Variants in CAMK2G observed in about 807,000 individuals in gnomAD.
CAMK2G encodes the protein calcium/calmodulin-dependent protein kinase type II subunit gamma.
A neutral mutation model predicts 88.7 loss-of-function variants in CAMK2G; 23 were observed. The ratio of observed to expected loss-of-function variants is 0.26; its 90% CI spans 0.19 to 0.37. The LOEUF is 0.37. Ranked by LOEUF, CAMK2G falls within the 10% of genes least tolerant of loss-of-function variation. The pLI, the probability that CAMK2G is intolerant of heterozygous loss-of-function variation, is 1.00. For missense variants in CAMK2G, 476 were observed against 780.8 expected (o/e 0.61, Z 4.65); for synonymous variants, 263 against 294.8 (o/e 0.89, Z 1.11).
At chr10:73,815,479 T>TG (rs1221441964) in intron 21 of CAMK2G, among the ~76,000 whole-genome samples, 1 of 148,984 alleles carries the variant, frequency 6.7e-6, no homozygotes, top group Admixed American at 6.7e-5. Flanking sequence ...TGACAGTACC[T>TG]GCTGCGCTTT....
intron 18 of CAMK2G, 46 bp from the exon 19 acceptor site, chr10:73,819,691 A>G: frequency 8.2e-7 from 1 of 1,226,980 alleles, no homozygotes. Context: ...AGAGCAGCCA[A>G]AACAAACAGA....
chr10:73,846,193 G>A (rs2134678265), intron 10 of CAMK2G: 1 of 152,248 alleles, frequency 6.6e-6, no homozygotes, highest in East Asian at 1.9e-4. Context: ...TCCTGAGGCA[G>A]AAACTTGTAT....
chr10:73,871,163 G>A (rs1254301219), intron 2 of CAMK2G, among the ~76,000 whole-genome samples: 1 of 150,526 alleles, frequency 6.6e-6, no homozygotes, highest in Non-Finnish European at 1.5e-5. Flanking sequence ...CTCTTCTTGA[G>A]GGGAAAAAAA....
At chr10:73,819,248 C>G (rs1177887561) in intron 19 of CAMK2G, among the ~76,000 whole-genome samples, 8 of 152,162 alleles carry the variant, frequency 5.3e-5, no homozygotes, top group Non-Finnish European at 1.2e-4. Context: ...TGGCTCAGCG[C>G]TGAGGCAAGG....
chr10:73,833,700 G>A (rs2092826544), intron 14 of CAMK2G, among the ~76,000 whole-genome samples: 1 of 150,810 alleles, frequency 6.6e-6, no homozygotes, highest in Non-Finnish European at 1.5e-5. Context: ...CAAGGTTCAA[G>A]TGATTCTCCT....
At chr10:73,870,859 A>G (rs771261355) in intron 2 of CAMK2G, among the ~76,000 whole-genome samples, 1 of 152,142 alleles carries the variant, frequency 6.6e-6, no homozygotes, top group Non-Finnish European at 1.5e-5. Flanking sequence ...GCCCATGGCT[A>G]CCCTGGCCCA....
Position 73,842,376 on chromosome 10 carries a change from G to A in CAMK2G, c.903+82C>T. 8.1e-7 allele frequency: 1 copy of A among 1,233,958 alleles called. No individual in the cohort carries two copies. The highest frequency in any genetic ancestry group is 1.2e-6 in the Non-Finnish European group (1 of 833,740). The allele number at this position is 1,233,958 out of a possible 1,614,324, so 76.4% of individuals were successfully genotyped here. A position where few individuals can be genotyped will look rare whatever the true frequency, so the allele number is the denominator to read the frequency against. ...GAGCCCAGCTCCAGCCAGGAGGGGA[G>A]CTTCCTTCTGAAATGGGGCAGGAGC... is the stretch of plus-strand genomic sequence containing the variant. On this transcript the variant is annotated intron_variant, in intron 11 of 22. Coordinates refer to ENST00000423381, the MANE Select transcript of CAMK2G (RefSeq NM_001367534.1). This position sits in a 1 kb window ranked among gnomAD's most constrained non-coding sequence, Gnocchi z 4.6.
Position 73,853,253 on chromosome 10 carries a change from G to C in CAMK2G, c.221-7C>G. 6.2e-7 allele frequency: 1 copy of C among 1,613,118 alleles called. No individual in the cohort carries two copies. The highest frequency in any genetic ancestry group is 8.5e-7 in the Non-Finnish European group (1 of 1,179,020). ...ATACTGTCATGGAGGCGCACTGCAA[G>C]AGAGGAGATGGGGACAGAGATTAAC... On this transcript the variant is annotated splice_region_variant and splice_polypyrimidine_tract_variant and intron_variant, in intron 3 of 22. Coordinates refer to ENST00000423381, the MANE Select transcript of CAMK2G (RefSeq NM_001367534.1).
chr10:73,873,898 GCAC>G, intron 1 of CAMK2G, among the ~76,000 whole-genome samples: 1 of 95,812 alleles, frequency 1.0e-5, no homozygotes, highest in Non-Finnish European at 2.0e-5. Context: ...GGGTGCCGCA[GCAC>G]TGCCCAGCCG....
intron 14 of CAMK2G, chr10:73,837,032 G>A (rs1241442179): frequency 1.1e-5 from 2 of 186,894 alleles, no homozygotes; most frequent in Non-Finnish European, 2.3e-5. Flanking sequence ...AAGACCAAAA[G>A]GAGAGTGGTT....
At chr10:73,859,415 C>T (rs946023450) in intron 3 of CAMK2G, among the ~76,000 whole-genome samples, 4 of 152,182 alleles carry the variant, frequency 2.6e-5, no homozygotes, top group African/African-American at 4.8e-5. Flanking sequence ...TAAATATTGG[C>T]AAATAATAAA....
In CAMK2G at chr10:73,824,022, G is replaced by T. The variant is rs747734144; in HGVS notation, c.1200+18C>A. On this transcript the variant is annotated intron_variant, in intron 17 of 22. Coordinates refer to ENST00000423381, the MANE Select transcript of CAMK2G (RefSeq NM_001367534.1). ...CTGCTGACCTGGAAAGCAGGAGGCA[G>T]GCTCAGGAGCCACTCACCTTGATCC... is the stretch of plus-strand genomic sequence containing the variant. The T allele has an allele frequency of 6.2e-7, 1 of 1,608,522 alleles. No homozygotes were observed.
chr10:73,817,809 C>T, intron 19 of CAMK2G: 1 of 534,116 alleles, frequency 1.9e-6, no homozygotes, highest in Admixed American at 3.1e-5. Context: ...CCTCCCTTTC[C>T]ATCAACAACC....
chr10:73,826,399 C>T (rs1354452631), intron 15 of CAMK2G, among the ~76,000 whole-genome samples: 1 of 152,180 alleles, frequency 6.6e-6, no homozygotes, highest in Non-Finnish European at 1.5e-5. Flanking sequence ...CACCACTGCA[C>T]TCCAGCCTGG....
intron 1 of CAMK2G, 48 bp from the exon 2 acceptor site, chr10:73,873,131 G>A (rs962268065): frequency 1.6e-6 from 2 of 1,288,164 alleles, no homozygotes; most frequent in Non-Finnish European, 2.3e-6. Flanking sequence ...AGGGCAGAGT[G>A]ACACAGACAC....
chr10:73,847,383 G>A (rs1381544109), intron 9 of CAMK2G, 36 bp from the exon 10 acceptor site: 1 of 1,611,452 alleles, frequency 6.2e-7, no homozygotes, highest in Non-Finnish European at 8.5e-7. Context: ...ATGTGGTATT[G>A]GTGAGCTTCA....
In CAMK2G at chr10:73,815,266, T is replaced by C; in HGVS notation, c.1535-19A>G. 1 of 1,557,980 alleles carries C rather than the reference T, an allele frequency of 6.4e-7. No homozygotes were observed. The highest frequency in any genetic ancestry group is 2.2e-5 in the East Asian group (1 of 44,458). ...GACAGGACTGCAGGGCAGGGTGGGG[T>C]AGGTAAGAGGACATCAGGCCTGGGC... On this transcript the variant is annotated intron_variant, in intron 21 of 22. Transcript: ENST00000423381.
At chr10:73,865,297 A>T (rs2095544421) in intron 2 of CAMK2G, among the ~76,000 whole-genome samples, 1 of 152,166 alleles carries the variant, frequency 6.6e-6, no homozygotes, top group South Asian at 2.1e-4. Context: ...GGTGATGGGC[A>T]GCAACAGGGG....
intron 2 of CAMK2G, among the ~76,000 whole-genome samples, chr10:73,862,816 T>C (rs936910376): frequency 9.9e-5 from 15 of 152,174 alleles, no homozygotes; most frequent in African/African-American, 3.6e-4. Context: ...TTCACATCCA[T>C]AGCTGCCAAG....
Sources: gnomAD v4.1 joint callset for allele counts (sites outside exome capture counted in the v4.1 genomes callset) on GRCh38, gnomAD v4.1.1 for gene constraint, Gnocchi (gnomAD v3.1) non-coding constraint, MANE v1.5 for transcripts, NCBI Gene and HGNC (gene_info 2026-07-23, HGNC 2026-07-21) for gene names.